Variants in PCDHGA3 observed in about 807,000 individuals in gnomAD.
The protein encoded by PCDHGA3 is protocadherin gamma-A3.
PCDHGA3 carries 40 observed loss-of-function variants against 58.5 expected under a neutral mutation model. The ratio of observed to expected loss-of-function variants is 0.68; its 90% CI spans 0.53 to 0.89. PCDHGA3 has a LOEUF of 0.89. PCDHGA3 is among the 40% of genes least tolerant of loss of function. The pLI is 0.00. For missense variants in PCDHGA3, 1,223 were observed against 1,195.9 expected (o/e 1.02, Z -0.33); for synonymous variants, 530 against 525.7 (o/e 1.01, Z -0.11).
At chr5:141,411,732 A>C (rs1437829295) in intron 1 of PCDHGA3, 4 of 152,694 alleles carry the variant, frequency 2.6e-5, no homozygotes, top group African/African-American at 9.7e-5. Flanking sequence ...ACATTTAAAA[A>C]TTAGCAGGGT....
chr5:141,444,377 G>A (rs1035830834), intron 1 of PCDHGA3, among the ~76,000 whole-genome samples: 3 of 151,802 alleles, frequency 2.0e-5, no homozygotes, highest in Non-Finnish European at 4.4e-5. Context: ...CTCCATGTTG[G>A]TCAGGCTAGT....
rs200724467 is a variant in PCDHGA3 at position 141,399,395 on chromosome 5, G to A, written c.2424+52938G>A. 5,303 of 1,613,964 alleles carry A rather than the reference G, an allele frequency of 3.3e-3. 153 individuals carry two copies. In the South Asian group the frequency reaches 0.047, roughly 14 times the overall value. ...AATGTCACCATCACAGCCACAGACA[G>A]GGGCAAGCCGCCCCTCTCCTCCAGC... On this transcript the variant is annotated intron_variant, in intron 1 of 3. Coordinates refer to ENST00000253812, the MANE Select transcript of PCDHGA3 (RefSeq NM_018916.4).
intron 1 of PCDHGA3, chr5:141,409,991 G>A: frequency 6.2e-6 from 10 of 1,613,320 alleles, no homozygotes; most frequent in Non-Finnish European, 7.6e-6. Flanking sequence ...GGTGGACGCC[G>A]ACTCGGGACA....
chr5:141,419,776 C>A (rs965350189), intron 1 of PCDHGA3: 3 of 1,613,908 alleles, frequency 1.9e-6, no homozygotes, highest in African/African-American at 2.7e-5. Flanking sequence ...ACTCGGTCCG[C>A]CAGCGCCTGC....
chr5:141,468,458 G>A (rs1047447240), intron 1 of PCDHGA3: 3 of 152,134 alleles, frequency 2.0e-5, no homozygotes, highest in African/African-American at 7.2e-5. Flanking sequence ...ATTAAAGCAA[G>A]TTATTTCTGA....
intron 2 of PCDHGA3, among the ~76,000 whole-genome samples, chr5:141,497,522 G>A (rs998999424): frequency 3.3e-5 from 5 of 150,848 alleles, no homozygotes; most frequent in African/African-American, 4.9e-5. Flanking sequence ...TAGTTAACTT[G>A]TGGAGGATGC....
chr5:141,416,096 T>C (rs2095991930), intron 1 of PCDHGA3: 1 of 161,152 alleles, frequency 6.2e-6, no homozygotes, highest in South Asian at 2.0e-4. Flanking sequence ...AGAAGGGCAA[T>C]AGGCCTTTTT....
At position 141,357,544 on chromosome 5, in the gene PCDHGA3, C is replaced by T. The variant is rs775530187; in HGVS notation, c.2424+11087C>T. 5 of 1,614,176 alleles carry T rather than the reference C, an allele frequency of 3.1e-6. No homozygotes were observed. In the South Asian group the frequency reaches 3.3e-5, roughly 11 times the overall value. ...CAGCTATGCAGACACGCTCATCAGC[C>T]GGGAGAGTTGTGAGAAAAGCGAGCC... On this transcript the variant is annotated intron_variant, in intron 1 of 3. Coordinates refer to ENST00000253812, the MANE Select transcript of PCDHGA3 (RefSeq NM_018916.4).
rs2096665320 is a variant in PCDHGA3 at position 141,422,696 on chromosome 5, A to G, written c.2425-72111A>G. The G allele has an allele frequency of 3.1e-6, 5 of 1,602,638 alleles. No homozygotes were observed. The highest frequency in any genetic ancestry group is 4.3e-6 in the Non-Finnish European group (5 of 1,174,110). On this transcript the variant is annotated intron_variant, in intron 1 of 3. Coordinates refer to ENST00000253812, the MANE Select transcript of PCDHGA3 (RefSeq NM_018916.4). Reference sequence around the variant, plus strand: ...AGCAAACAGAATGCCCTGGTCACTTACTCTCTGACGGATGACACTGTCCAG... The same window carrying G: ...AGCAAACAGAATGCCCTGGTCACTTGCTCTCTGACGGATGACACTGTCCAG...
At chr5:141,385,488 T>C in intron 1 of PCDHGA3, 1 of 1,400,248 alleles carries the variant, frequency 7.1e-7, no homozygotes, top group Non-Finnish European at 9.3e-7. Context: ...ATAGAACACA[T>C]AGGATATAGT....
intron 1 of PCDHGA3, among the ~76,000 whole-genome samples, chr5:141,450,826 A>T (rs965147554): frequency 1.9e-4 from 26 of 134,356 alleles, no homozygotes; most frequent in East Asian, 6.4e-4. Context: ...TATTATTATT[A>T]TTATTTTTTT....
chr5:141,366,518 A>G lies in PCDHGA3; in HGVS notation c.2424+20061A>G, dbSNP rs202129179. On this transcript the variant is annotated intron_variant, in intron 1 of 3. Coordinates refer to ENST00000253812, the MANE Select transcript of PCDHGA3 (RefSeq NM_018916.4). ...GTCACGCCTGCTTCAGGCTGAAGGC[A>G]GCAGGTTGGCGGGTGTGCCCGCCTC... 2.2e-4 allele frequency: 362 copies of G among 1,614,126 alleles called. 1 individual carries two copies. Among genetic ancestry groups the G allele is most frequent in the Non-Finnish European group, 2.9e-4 (339 of 1,180,048 alleles).
chr5:141,352,319 T>C, intron 1 of PCDHGA3: 1 of 1,614,074 alleles, frequency 6.2e-7, no homozygotes, highest in South Asian at 1.1e-5. Context: ...ACTGCAGTTT[T>C]ACCTGGTTGT....
At position 141,415,772 on chromosome 5, in the gene PCDHGA3, T is replaced by A. The variant is rs540545854; in HGVS notation, c.2424+69315T>A. On this transcript the variant is annotated intron_variant, in intron 1 of 3. Coordinates refer to ENST00000253812, the MANE Select transcript of PCDHGA3 (RefSeq NM_018916.4). ...TTTTTTTTTTTTTTTTTTTTTTTTT[T>A]ACTTTCTGGTAAAATTCACCTAGTC... is the stretch of plus-strand genomic sequence containing the variant. 5,409 of 1,336,512 alleles carry A rather than the reference T, an allele frequency of 4.0e-3. 27 individuals carry two copies. The highest frequency in any genetic ancestry group is 7.3e-3 in the Admixed American group (200 of 27,462). 82.8% of individuals were successfully genotyped at this position (1,336,512 alleles called of 1,614,324 possible).
At chr5:141,374,010 T>A in intron 1 of PCDHGA3, 1 of 1,364,772 alleles carries the variant, frequency 7.3e-7, no homozygotes, top group Non-Finnish European at 9.6e-7. Flanking sequence ...CACCGCTATT[T>A]CTGAGAAGAG....
At position 141,491,798 on chromosome 5, in the gene PCDHGA3, G is replaced by A. The variant is rs1269524283; in HGVS notation, c.2425-3009G>A. 1 of 1,506,648 alleles carries A rather than the reference G, an allele frequency of 6.6e-7. No homozygotes were observed. The highest frequency in any genetic ancestry group is 8.9e-7 in the Non-Finnish European group (1 of 1,128,050). The allele number at this position is 1,506,648 out of a possible 1,614,324, so 93.3% of individuals were successfully genotyped here. ...TTGAACTTGCATCCACTCCTCTCCG[G>A]CCGGCTTGGTCGCTGGCTGCGCTCC... On this transcript the variant is annotated intron_variant, in intron 1 of 3. Coordinates refer to ENST00000253812, the MANE Select transcript of PCDHGA3 (RefSeq NM_018916.4). This position sits in a 1 kb window ranked among gnomAD's most constrained non-coding sequence, Gnocchi z 6.9.
intron 1 of PCDHGA3, among the ~76,000 whole-genome samples, chr5:141,479,053 A>G (rs534968614): frequency 9.2e-5 from 14 of 152,334 alleles, no homozygotes; most frequent in African/African-American, 3.1e-4. Context: ...TCATTCTCAG[A>G]TAATTTTTTA....
chr5:141,362,515 G>C, intron 1 of PCDHGA3: 1 of 1,613,978 alleles, frequency 6.2e-7, no homozygotes. Context: ...TACAAATCAT[G>C]GAGCCGCTGG....
In PCDHGA3 at chr5:141,510,976, G is replaced by A. The variant is rs752758180; in HGVS notation, c.2602G>A (p.Gly868Arg). The change falls in exon 4 of 4, where the codon GGG (glycine) becomes AGG (arginine). Residue 868 changes from glycine to arginine, a missense_variant. Gly to Arg is a moderately radical substitution (Grantham distance 125, BLOSUM62 -2). This residue lies in a region of PCDHGA3 where 325 missense variants were observed against 327.5 expected (regional missense o/e 0.99). Transcript: ENST00000253812. ...EAADGSSTLG[G>R]GAGTMGLSAR... ...TGCTGATGGGAGCTCCACCCTGGGA[G>A]GGGGTGCCGGCACCATGGGATTGAG... The A allele has an allele frequency of 5.0e-6, 8 of 1,614,046 alleles. No individual in the cohort carries two copies. The highest frequency in any genetic ancestry group is 6.8e-6 in the Non-Finnish European group (8 of 1,180,022).
Sources: gnomAD v4.1 joint callset for allele counts (sites outside exome capture counted in the v4.1 genomes callset) on GRCh38, gnomAD v4.1.1 for gene constraint, gnomAD v4.1.1 regional missense constraint, Gnocchi (gnomAD v3.1) non-coding constraint, MANE v1.5 for transcripts, NCBI Gene and HGNC (gene_info 2026-07-23, HGNC 2026-07-21) for gene names.